Variants in SLC36A1 observed in about 807,000 individuals in gnomAD.
SLC36A1 encodes the protein solute carrier family 36 member 1, also known as proton-coupled amino acid transporter 1.
A neutral mutation model predicts 47.5 loss-of-function variants in SLC36A1; 30 were observed. The observed-to-expected ratio is 0.63, with a 90% CI of 0.47 to 0.86. The LOEUF is 0.86. Among genes scored for constraint, SLC36A1 ranks in the 40% least tolerant of loss-of-function variants. The pLI, the probability that SLC36A1 is intolerant of heterozygous loss-of-function variation, is 0.00. For missense variants in SLC36A1, 517 were observed against 606.0 expected (o/e 0.85, Z 1.54); for synonymous variants, 255 against 249.7 (o/e 1.02, Z -0.20).
At chr5:151,520,651 A>C in the SLC36A1 span, among the ~76,000 whole-genome samples, 1 of 152,178 alleles carries the variant, frequency 6.6e-6, no homozygotes, top group African/African-American at 2.4e-5. Context: ...CAGGAGGCAG[A>C]TGTATTTATT....
At chr5:151,551,393 T>C in the SLC36A1 span, 1 of 1,530,756 alleles carries the variant, frequency 6.5e-7, no homozygotes, top group Non-Finnish European at 8.9e-7. Flanking sequence ...ACAGAAAACC[T>C]CTGTAGCCTC....
chr5:151,358,287 T>C, the SLC36A1 span, among the ~76,000 whole-genome samples: 1 of 150,884 alleles, frequency 6.6e-6, no homozygotes, highest in Non-Finnish European at 1.5e-5. Flanking sequence ...TTTTTTTTTG[T>C]TGTTGAGACA....
At chr5:151,522,845 G>A in the SLC36A1 span, among the ~76,000 whole-genome samples, 1 of 152,174 alleles carries the variant, frequency 6.6e-6, no homozygotes. Context: ...AGGGAAGCAG[G>A]CCTGACCTCA....
At chr5:151,376,830 A>G in the SLC36A1 span, among the ~76,000 whole-genome samples, 3,376 of 152,150 alleles carry the variant, frequency 0.022, 113 homozygotes, top group African/African-American at 0.076. Flanking sequence ...ATGGGGTTTC[A>G]TCATATTGGT....
chr5:151,480,946 C>T (rs1758710259), intron 10 of SLC36A1, among the ~76,000 whole-genome samples: 1 of 152,208 alleles, frequency 6.6e-6, no homozygotes, highest in South Asian at 2.1e-4. Flanking sequence ...CCTGACTAAA[C>T]AGCTCCTCCA....
At chr5:151,367,351 C>T in the SLC36A1 span, among the ~76,000 whole-genome samples, 1 of 94,494 alleles carries the variant, frequency 1.1e-5, no homozygotes, top group East Asian at 2.4e-4. Context: ...AGACCTCCCC[C>T]CAGGAATGCA....
At chr5:151,518,290 A>G in the SLC36A1 span, among the ~76,000 whole-genome samples, 1 of 151,714 alleles carries the variant, frequency 6.6e-6, no homozygotes, top group East Asian at 1.9e-4. Flanking sequence ...TCAAGGCTGC[A>G]GTGAACCATG....
At chr5:151,521,614 T>G in the SLC36A1 span, 23 of 1,614,026 alleles carry the variant, frequency 1.4e-5, no homozygotes, top group Non-Finnish European at 1.9e-5. Context: ...CCGTTTGATG[T>G]CCAGCTTATG....
At chr5:151,376,351 A>G in the SLC36A1 span, among the ~76,000 whole-genome samples, 3 of 152,190 alleles carry the variant, frequency 2.0e-5, no homozygotes, top group Non-Finnish European at 4.4e-5. Flanking sequence ...AATTTTGCTT[A>G]TCTTTTCAAA....
chr5:151,379,579 G>A, the SLC36A1 span, among the ~76,000 whole-genome samples: 1 of 152,092 alleles, frequency 6.6e-6, no homozygotes, highest in African/African-American at 2.4e-5. Context: ...TGATCTGCCC[G>A]CCTCGGCCTC....
chr5:151,493,728 AC>A (rs1393660522), downstream of SLC36A1, among the ~76,000 whole-genome samples: 1 of 152,198 alleles, frequency 6.6e-6, no homozygotes, highest in East Asian at 1.9e-4. Context: ...TGGGATACAC[AC>A]ACAAGTCTTC....
the SLC36A1 span, among the ~76,000 whole-genome samples, chr5:151,404,627 C>T: frequency 3.3e-5 from 5 of 152,098 alleles, no homozygotes; most frequent in African/African-American, 1.2e-4. Flanking sequence ...TCCCTTAGTG[C>T]TTGCTTTTCT....
At chr5:151,413,336 GT>G in the SLC36A1 span, among the ~76,000 whole-genome samples, 25,258 of 151,046 alleles carry the variant, frequency 0.17, 2,350 homozygotes, top group East Asian at 0.38. Context: ...TCTTTACAGA[GT>G]TTTTTTGTAT....
chr5:151,394,135 C>T, the SLC36A1 span, among the ~76,000 whole-genome samples: 5 of 152,174 alleles, frequency 3.3e-5, no homozygotes, highest in East Asian at 1.9e-4. Flanking sequence ...CTTCTCTTCT[C>T]GCTTCATTTC....
At chr5:151,523,276 G>A in the SLC36A1 span, among the ~76,000 whole-genome samples, 22 of 151,912 alleles carry the variant, frequency 1.4e-4, no homozygotes, top group Non-Finnish European at 8.8e-5. Flanking sequence ...TACTACTACC[G>A]ATTATATATA....
chr5:151,350,233 T>C, the SLC36A1 span, among the ~76,000 whole-genome samples: 1 of 151,712 alleles, frequency 6.6e-6, no homozygotes, highest in Non-Finnish European at 1.5e-5. Context: ...GCGACTCACA[T>C]GTATTGAGTC....
chr5:151,400,016 C>A, the SLC36A1 span, among the ~76,000 whole-genome samples: 2 of 151,942 alleles, frequency 1.3e-5, no homozygotes, highest in African/African-American at 4.8e-5. Context: ...TATTTAATTT[C>A]CAACTTTTAA....
chr5:151,428,526 A>C, the SLC36A1 span, among the ~76,000 whole-genome samples: 2 of 152,132 alleles, frequency 1.3e-5, no homozygotes, highest in Non-Finnish European at 2.9e-5. Context: ...TTCTCTTGGC[A>C]CCGTTGCCAA....
At chr5:151,375,419 G>A in the SLC36A1 span, among the ~76,000 whole-genome samples, 1 of 152,086 alleles carries the variant, frequency 6.6e-6, no homozygotes, top group African/African-American at 2.4e-5. Context: ...ATTGGTCTTT[G>A]TGTTTATTTC....
Sources: gnomAD v4.1 joint callset for allele counts (sites outside exome capture counted in the v4.1 genomes callset) on GRCh38, gnomAD v4.1.1 for gene constraint, MANE v1.5 for transcripts, NCBI Gene and HGNC (gene_info 2026-07-23, HGNC 2026-07-21) for gene names.